Variants in PER3 observed in about 807,000 individuals in gnomAD.
The protein encoded by PER3 is period circadian protein homolog 3.
A neutral mutation model predicts 127.2 loss-of-function variants in PER3; 107 were observed. The observed-to-expected ratio is 0.84, with a 90% CI of 0.72 to 0.99. The LOEUF is 0.99. Ranked by LOEUF, PER3 falls within the 50% of genes least tolerant of loss-of-function variation. The probability of loss-of-function intolerance (pLI) is 0.00; values close to 1 mark genes in which losing one functional copy is unlikely to be tolerated. For missense variants in PER3, 1,560 were observed against 1,525.8 expected (o/e 1.02, Z -0.37); for synonymous variants, 618 against 585.8 (o/e 1.05, Z -0.79).
In PER3 at chr1:7,806,457, T is replaced by C. The variant is rs534388994; in HGVS notation, c.1137-2436T>C. Among the ~76,000 whole-genome samples, 9 of 152,258 alleles carry C rather than the reference T, an allele frequency of 5.9e-5. 1 individual carries two copies. The highest frequency in any genetic ancestry group is 2.2e-4 in the African/African-American group (9 of 41,538). ...TTGCTGTTTCATGAAGGCTGTCTCC[T>C]TATTGCCTGCAGATTAATCAGTTCT... On this transcript the variant is annotated intron_variant, in intron 10 of 21. Coordinates refer to ENST00000377532, the MANE Select transcript of PER3 (RefSeq NM_001377275.1).
Position 7,801,084 on chromosome 1 carries a change from T to C in PER3, c.794-29T>C, listed in dbSNP as rs201083460. ...GGATAATTAATTAGATATTTGCCTTTAAATGGGTCTTTGTTTTTTTTTCCT... is the reference window on the plus strand; with the variant it reads ...GGATAATTAATTAGATATTTGCCTTCAAATGGGTCTTTGTTTTTTTTTCCT... On this transcript the variant is annotated intron_variant, in intron 7 of 21. Coordinates refer to ENST00000377532, the MANE Select transcript of PER3 (RefSeq NM_001377275.1). The C allele has an allele frequency of 1.2e-4, 171 of 1,375,582 alleles. No individual in the cohort carries two copies. The African/African-American group carries it at 2.4e-3, about 20-fold the overall frequency. 85.2% of individuals were successfully genotyped at this position (1,375,582 alleles called of 1,614,324 possible). A position where few individuals can be genotyped will look rare whatever the true frequency, so the allele number is the denominator to read the frequency against.
chr1:7,796,050 G>T (rs1353588374), intron 6 of PER3, among the ~76,000 whole-genome samples: 1 of 152,176 alleles, frequency 6.6e-6, no homozygotes, highest in African/African-American at 2.4e-5. Flanking sequence ...ATCCCTTTGG[G>T]TTGGCCCCTG....
chr1:7,826,482 AG>A lies in PER3; in HGVS notation c.1963del (p.Asp655MetfsTer11), dbSNP rs777107291. 5.7e-6 allele frequency: 9 copies of A among 1,592,432 alleles called. No homozygotes were observed. In the East Asian group the frequency reaches 2.0e-4, roughly 36 times the overall value. Reference sequence around the variant, plus strand: ...AAATATGTCTTCTTCCACCTCAGCCAGGGATGCTACCCTCTTCTGTGAGCCC... The same window carrying A: ...AAATATGTCTTCTTCCACCTCAGCCAGGATGCTACCCTCTTCTGTGAGCCC... The part of the protein sequence containing the change: ...IVHVPPPETA[R>X]DATLFCEPWT... On this transcript the variant is annotated frameshift_variant, in exon 17 of 22. Coordinates refer to ENST00000377532, the MANE Select transcript of PER3 (RefSeq NM_001377275.1). LOFTEE classifies it high-confidence loss of function. The surrounding 1 kb of genome is among the most constrained non-coding windows in gnomAD (Gnocchi z 4.2).
intron 16 of PER3, among the ~76,000 whole-genome samples, chr1:7,824,179 G>T (rs1423001824): frequency 6.6e-6 from 1 of 152,184 alleles, no homozygotes; most frequent in Non-Finnish European, 1.5e-5. Flanking sequence ...GAGAAGAAAT[G>T]TCTCAAATCA....
chr1:7,785,135 G>A (rs966492879), intron 2 of PER3, 130 bp downstream of exon 2: 16 of 981,288 alleles, frequency 1.6e-5, no homozygotes, highest in Middle Eastern at 4.2e-4. Flanking sequence ...GGAGACTCGG[G>A]CAATGTAGGA....
chr1:7,815,843 AT>A (rs1284577758), intron 13 of PER3, among the ~76,000 whole-genome samples: 1 of 150,296 alleles, frequency 6.7e-6, no homozygotes, highest in Non-Finnish European at 1.5e-5. Flanking sequence ...AAAAAAAAAA[AT>A]TAGCCAGGCA....
intron 4 of PER3, chr1:7,787,781 C>A (rs1045184575): frequency 4.2e-6 from 2 of 472,040 alleles, no homozygotes; most frequent in Admixed American, 3.4e-5. Context: ...AGTTATGTGC[C>A]ATACGTATTT....
At chr1:7,839,291 C>T (rs941395619) in intron 21 of PER3, among the ~76,000 whole-genome samples, 34 of 151,994 alleles carry the variant, frequency 2.2e-4, no homozygotes, top group African/African-American at 7.7e-4. Context: ...GTTGTGTTTC[C>T]AAAAACATAA....
At chr1:7,819,177 G>A in intron 13 of PER3, 108 bp from the exon 14 acceptor site, 5 of 864,286 alleles carry the variant, frequency 5.8e-6, no homozygotes, top group Non-Finnish European at 9.1e-6. Context: ...ATGATATTCT[G>A]TTGATATATA....
chr1:7,827,900 A>T, intron 18 of PER3, 85 bp downstream of exon 18: 1 of 1,026,270 alleles, frequency 9.7e-7, no homozygotes, highest in Non-Finnish European at 1.4e-6. Context: ...CTCAGTGCTG[A>T]CATTCTCAGT....
intron 13 of PER3, among the ~76,000 whole-genome samples, chr1:7,813,175 C>T (rs537959022): frequency 2.6e-5 from 4 of 152,104 alleles, no homozygotes; most frequent in Non-Finnish European, 5.9e-5. Flanking sequence ...AGGCCAACTA[C>T]AAGAGACATC....
intron 8 of PER3, 84 bp downstream of exon 8, chr1:7,801,275 T>G (rs1182755915): frequency 2.4e-5 from 19 of 780,010 alleles, no homozygotes; most frequent in Non-Finnish European, 4.1e-5. Flanking sequence ...TTTGCATGTT[T>G]ATACATTATG....
At position 7,784,909 on chromosome 1, in the gene PER3, G is replaced by A; in HGVS notation, c.32G>A (p.Arg11Lys). ...CGCGGGGAAGCTCCTGGCCCCGGGAGACGGGGGGCTAAGGACGAGGCCCTG... is the reference window on the plus strand; with the variant it reads ...CGCGGGGAAGCTCCTGGCCCCGGGAAACGGGGGGCTAAGGACGAGGCCCTG... MPRGEAPGPG[R>K]RGAKDEALGE... The change falls in exon 2 of 22, where the codon AGA (arginine) becomes AAA (lysine). Residue 11 changes from arginine (R) to lysine (K), a missense_variant. Around this residue, in one of 3 missense-constraint regions of PER3, gnomAD observed 1,332 missense variants for 1,223.6 expected, o/e 1.09. Transcript: ENST00000377532. The A allele has an allele frequency of 1.3e-6, 2 of 1,525,250 alleles. No homozygotes were observed. The highest frequency in any genetic ancestry group is 1.7e-6 in the Non-Finnish European group (2 of 1,149,104). The allele number at this position is 1,525,250 out of a possible 1,614,324, so 94.5% of individuals were successfully genotyped here.
intron 3 of PER3, among the ~76,000 whole-genome samples, chr1:7,786,308 C>T (rs2097090501): frequency 6.6e-6 from 1 of 152,152 alleles, no homozygotes; most frequent in Non-Finnish European, 1.5e-5. Flanking sequence ...ATTTACCAAA[C>T]TAAAAATGAA....
intron 6 of PER3, among the ~76,000 whole-genome samples, chr1:7,796,194 T>A (rs1301418241): frequency 6.6e-6 from 1 of 152,184 alleles, no homozygotes; most frequent in East Asian, 1.9e-4. Context: ...TGGTTCCTTT[T>A]GGTGGGAAAT....
intron 19 of PER3, among the ~76,000 whole-genome samples, chr1:7,833,876 T>G (rs898727083): frequency 5.9e-5 from 9 of 151,880 alleles, no homozygotes; most frequent in African/African-American, 1.7e-4. Context: ...AAGCATAACT[T>G]TTTTTTTGTT....
Position 7,826,760 on chromosome 1 carries a change from A to G in PER3, c.2188+50A>G. The G allele has an allele frequency of 9.2e-7, 1 of 1,090,250 alleles. No homozygotes were observed. Among genetic ancestry groups the G allele is most frequent in the Non-Finnish European group, 1.4e-6 (1 of 717,328 alleles). 67.5% of individuals were successfully genotyped at this position (1,090,250 alleles called of 1,614,324 possible). On this transcript the variant is annotated intron_variant, in intron 17 of 21. Coordinates refer to ENST00000377532, the MANE Select transcript of PER3 (RefSeq NM_001377275.1). The surrounding 1 kb of genome is among the most constrained non-coding windows in gnomAD (Gnocchi z 4.2). ...GCCATTAATCTATGTAAATGTTACA[A>G]ACTGTATCTAAGGACTAGGAGATAA...
At position 7,820,203 on chromosome 1, in the gene PER3, C is replaced by T; in HGVS notation, c.1747C>T (p.Gln583Ter). The change falls in exon 15 of 22, where the codon CAG becomes TAG. Residue 583 changes from glutamine (Q) to a stop codon, truncating the protein, a stop_gained. Transcript: ENST00000377532. LOFTEE classifies it high-confidence loss of function. Reference sequence around the variant, plus strand: ...TTCTTCCTCCTCAGAAGAAGACAAACAGAACCACAAGGCAGATGATGTCCA... The same window carrying T: ...TTCTTCCTCCTCAGAAGAAGACAAATAGAACCACAAGGCAGATGATGTCCA... The part of the protein sequence containing the change: ...TTSSSSEEDK[Q>*]NHKADDVQAL... 6.2e-7 allele frequency: 1 copy of T among 1,613,840 alleles called. No homozygotes were observed. Among genetic ancestry groups the T allele is most frequent in the Non-Finnish European group, 8.5e-7 (1 of 1,179,788 alleles).
At chr1:7,842,578 G>A in intron 21 of PER3, 94 bp from the exon 22 acceptor site, 3 of 1,383,786 alleles carry the variant, frequency 2.2e-6, no homozygotes, top group Non-Finnish European at 2.9e-6. Flanking sequence ...AATAAGTTGG[G>A]GATTTAGAAA....
Sources: allele counts gnomAD v4.1 joint callset (sites outside exome capture counted in the v4.1 genomes callset), GRCh38; gene constraint gnomAD v4.1.1; regional missense constraint gnomAD v4.1.1; non-coding constraint Gnocchi (gnomAD v3.1); transcripts MANE v1.5; gene names NCBI Gene and HGNC (gene_info 2026-07-23, HGNC 2026-07-21).